Variants in CHODL observed in about 807,000 individuals in gnomAD.
CHODL encodes transmembrane protein MT75.
In CHODL, 29 loss-of-function variants were observed where a neutral mutation model predicts 34.5. That is an observed-to-expected ratio of 0.84 (90% CI 0.63 to 1.15). The LOEUF (loss-of-function observed/expected upper bound fraction) is 1.15. CHODL is among the 50% of genes most tolerant of loss of function. CHODL has a pLI of 0.00. For synonymous variants in CHODL, 125 were observed against 116.1 expected (o/e 1.08, Z -0.49); for missense variants, 332 against 332.5 (o/e 1.00, Z 0.01).
At chr21:18,265,267 A>G (rs1477305928) in intron 5 of CHODL, among the ~76,000 whole-genome samples, 1 of 137,104 alleles carries the variant, frequency 7.3e-6, no homozygotes, top group Non-Finnish European at 1.5e-5. Flanking sequence ...ATGTGTATAT[A>G]TATATGTGTG....
At chr21:18,258,743 ATTT>A (rs2074346726) in intron 3 of CHODL, among the ~76,000 whole-genome samples, 1 of 151,768 alleles carries the variant, frequency 6.6e-6, no homozygotes, top group Admixed American at 6.6e-5. Context: ...TGTGCTCAGG[ATTT>A]TTATTTTTTA....
intron 1 of CHODL, among the ~76,000 whole-genome samples, chr21:17,995,983 C>T (rs2146393774): frequency 6.6e-6 from 1 of 152,284 alleles, no homozygotes; most frequent in Admixed American, 6.5e-5. Flanking sequence ...AATTATCTCA[C>T]CCATGTATCC....
At chr21:18,115,371 G>A (rs1389819496) in intron 2 of CHODL, among the ~76,000 whole-genome samples, 2 of 152,156 alleles carry the variant, frequency 1.3e-5, no homozygotes, top group African/African-American at 4.8e-5. Context: ...TAATCCTACT[G>A]CTAGCTTGCT....
intron 1 of CHODL, among the ~76,000 whole-genome samples, chr21:18,026,065 T>C (rs284829): frequency 0.11 from 17,461 of 152,198 alleles, 1,036 homozygotes; most frequent in Middle Eastern, 0.26. Flanking sequence ...ATAGGTTTGG[T>C]GAGGTAAAGG....
intron 2 of CHODL, among the ~76,000 whole-genome samples, chr21:18,167,207 C>CTG (rs1349955601): frequency 2.4e-4 from 29 of 118,590 alleles, no homozygotes; most frequent in Admixed American, 3.3e-4. Context: ...CCATTTCTCT[C>CTG]TCTCTGTGTG....
intron 2 of CHODL, among the ~76,000 whole-genome samples, chr21:18,158,085 T>TC (rs1453858728): frequency 1.3e-5 from 2 of 151,676 alleles, no homozygotes; most frequent in African/African-American, 4.8e-5. Flanking sequence ...TTTTTTTTTT[T>TC]TTAATTCAGG....
intron 1 of CHODL, among the ~76,000 whole-genome samples, chr21:17,930,676 C>CT (rs1307026966): frequency 6.6e-5 from 10 of 152,214 alleles, no homozygotes; most frequent in African/African-American, 2.4e-4. Flanking sequence ...ATTTAGGAAC[C>CT]TGAGGATTAG....
chr21:17,917,792 A>T (rs13047366), intron 1 of CHODL, among the ~76,000 whole-genome samples: 45,493 of 151,886 alleles, frequency 0.3, 8,246 homozygotes, highest in South Asian at 0.47. Context: ...CAGGAGGTAA[A>T]TGAATGATAT....
At position 18,193,712 on chromosome 21, in the gene CHODL, A is replaced by AAATAAAT. The variant is rs1555881307; in HGVS notation, c.-44-62795_-44-62794insTAAATAA. ...CTCTGTCTCAGAAAAAAAAAAAAAT[A>AAATAAAT]AAATAAATAAATAAATAAATAAATA... On this transcript the variant is annotated intron_variant, in intron 2 of 6. Transcript: ENST00000400127. 3.7e-3 allele frequency among the ~76,000 whole-genome samples: 520 copies of AAATAAAT among 139,252 alleles called. 4 individuals carry two copies. The highest frequency in any genetic ancestry group is 0.014 in the African/African-American group (495 of 35,484). 91.4% of individuals were successfully genotyped at this position (139,252 alleles called of 152,430 possible). A position where few individuals can be genotyped will look rare whatever the true frequency, so the allele number is the denominator to read the frequency against.
At chr21:18,117,677 CTTTAA>C (rs898580124) in intron 2 of CHODL, among the ~76,000 whole-genome samples, 15 of 150,662 alleles carry the variant, frequency 1.0e-4, no homozygotes, top group African/African-American at 3.4e-4. Context: ...GTCATTGTGA[CTTTAA>C]TTAAATAAGA....
intron 1 of CHODL, among the ~76,000 whole-genome samples, chr21:17,969,181 T>C (rs954004771): frequency 3.3e-5 from 5 of 152,344 alleles, no homozygotes; most frequent in African/African-American, 1.2e-4. Flanking sequence ...TTATATTAAA[T>C]ATTCATTGGT....
intron 2 of CHODL, among the ~76,000 whole-genome samples, chr21:18,208,978 T>G (rs1221330819): frequency 1.3e-5 from 2 of 148,180 alleles, no homozygotes; most frequent in Non-Finnish European, 3.0e-5. Flanking sequence ...CTGAAGCCAG[T>G]ACAGTACTGG....
intron 4 of CHODL, 95 bp downstream of exon 4, chr21:18,260,381 G>T (rs1184407557): frequency 6.6e-6 from 5 of 759,564 alleles, no homozygotes; most frequent in Non-Finnish European, 1.1e-5. Context: ...TCTTGCCTGG[G>T]GAAGTGGTTC....
intron 2 of CHODL, among the ~76,000 whole-genome samples, chr21:18,156,200 C>T (rs1473395318): frequency 6.6e-6 from 1 of 152,190 alleles, no homozygotes; most frequent in East Asian, 1.9e-4. Flanking sequence ...CTCTTAAAGG[C>T]AACTTACGTT....
intron 1 of CHODL, among the ~76,000 whole-genome samples, chr21:17,939,863 A>C (rs1316167265): frequency 6.6e-6 from 1 of 152,212 alleles, no homozygotes; most frequent in Non-Finnish European, 1.5e-5. Context: ...TAAGGCAATA[A>C]AACGTTCAAT....
chr21:17,936,355 C>G (rs1289148264), intron 1 of CHODL, among the ~76,000 whole-genome samples: 1 of 151,382 alleles, frequency 6.6e-6, no homozygotes, highest in Non-Finnish European at 1.5e-5. Context: ...AATAAATCAT[C>G]AAAATGAGGA....
chr21:18,093,924 A>G (rs1342521524), intron 2 of CHODL, among the ~76,000 whole-genome samples: 1 of 152,128 alleles, frequency 6.6e-6, no homozygotes, highest in Non-Finnish European at 1.5e-5. Context: ...ACTCTCCAAT[A>G]AAAAGACATA....
At chr21:18,051,259 T>G (rs532395973) in intron 2 of CHODL, among the ~76,000 whole-genome samples, 2 of 152,146 alleles carry the variant, frequency 1.3e-5, no homozygotes, top group African/African-American at 4.8e-5. Flanking sequence ...GGACGTGAAC[T>G]CATCCTTTTT....
At chr21:17,926,850 A>G (rs1167437888) in intron 1 of CHODL, among the ~76,000 whole-genome samples, 1 of 152,074 alleles carries the variant, frequency 6.6e-6, no homozygotes, top group African/African-American at 2.4e-5. Context: ...ATATTATAAA[A>G]AGAATACTCT....
Sources: allele counts gnomAD v4.1 joint callset (sites outside exome capture counted in the v4.1 genomes callset), GRCh38; gene constraint gnomAD v4.1.1; transcripts MANE v1.5; gene names NCBI Gene and HGNC (gene_info 2026-07-23, HGNC 2026-07-21).